PTPRM: variants seen among roughly 807,000 people sequenced by gnomAD.
The protein encoded by PTPRM is receptor-type tyrosine-protein phosphatase mu.
A neutral mutation model predicts 186.7 loss-of-function variants in PTPRM; 47 were observed. The ratio of observed to expected loss-of-function variants is 0.25; its 90% CI spans 0.20 to 0.32. The LOEUF (loss-of-function observed/expected upper bound fraction) is 0.32. Among genes scored for constraint, PTPRM ranks in the 10% least tolerant of loss-of-function variants. The probability of loss-of-function intolerance (pLI) is 1.00; values close to 1 mark genes in which losing one functional copy is unlikely to be tolerated. For missense variants in PTPRM, 1,494 were observed against 1,865.0 expected (o/e 0.80, Z 3.66); for synonymous variants, 668 against 674.9 (o/e 0.99, Z 0.16).
intron 19 of PTPRM, among the ~76,000 whole-genome samples, chr18:8,274,855 G>A (rs537153745): frequency 6.6e-6 from 1 of 152,174 alleles, no homozygotes; most frequent in African/African-American, 2.4e-5. Context: ...AATCAAGGAA[G>A]AACTCACTGG....
intron 2 of PTPRM, among the ~76,000 whole-genome samples, chr18:7,862,724 G>A (rs1324995549): frequency 6.6e-6 from 1 of 152,208 alleles, no homozygotes; most frequent in Non-Finnish European, 1.5e-5. Context: ...AAATGCAGTT[G>A]CTCAATAAAT....
chr18:7,674,370 C>T (rs2039287058), intron 1 of PTPRM, among the ~76,000 whole-genome samples: 1 of 152,090 alleles, frequency 6.6e-6, no homozygotes, highest in Non-Finnish European at 1.5e-5. Context: ...GATGGAAGTA[C>T]TTTGAGATAG....
At chr18:8,010,574 GT>G (rs2084465398) in intron 7 of PTPRM, among the ~76,000 whole-genome samples, 1 of 152,156 alleles carries the variant, frequency 6.6e-6, no homozygotes, top group African/African-American at 2.4e-5. Context: ...ATGTTAAAAT[GT>G]TCATATTGTG....
At chr18:8,042,779 T>A (rs1433859530) in intron 7 of PTPRM, among the ~76,000 whole-genome samples, 1 of 152,078 alleles carries the variant, frequency 6.6e-6, no homozygotes, top group Non-Finnish European at 1.5e-5. Context: ...GCTTTTTGGG[T>A]GTCTTTTTCC....
chr18:7,956,273 A>G (rs886069675), intron 7 of PTPRM, among the ~76,000 whole-genome samples: 1 of 152,188 alleles, frequency 6.6e-6, no homozygotes, highest in African/African-American at 2.4e-5. Flanking sequence ...ACATTTATCA[A>G]TGTTTCATTT....
intron 4 of PTPRM, among the ~76,000 whole-genome samples, chr18:7,909,298 TTC>T (rs982803244): frequency 2.6e-5 from 4 of 152,230 alleles, no homozygotes; most frequent in African/African-American, 9.6e-5. Flanking sequence ...GGTGTTTATC[TTC>T]TCTCCTTTGG....
At chr18:7,640,513 T>G (rs931670556) in intron 1 of PTPRM, among the ~76,000 whole-genome samples, 2 of 152,096 alleles carry the variant, frequency 1.3e-5, no homozygotes, top group Non-Finnish European at 2.9e-5. Flanking sequence ...TATATATGAC[T>G]GGGAAATCTA....
At chr18:8,303,179 T>C (rs2095179489) in intron 20 of PTPRM, among the ~76,000 whole-genome samples, 1 of 151,980 alleles carries the variant, frequency 6.6e-6, no homozygotes, top group Non-Finnish European at 1.5e-5. Context: ...GGGAGCACTC[T>C]CATGGAGAGA....
intron 2 of PTPRM, among the ~76,000 whole-genome samples, chr18:7,828,846 G>A (rs1270127509): frequency 6.6e-6 from 1 of 152,190 alleles, no homozygotes; most frequent in South Asian, 2.1e-4. Flanking sequence ...GTAAATGAGG[G>A]AATAAGTATG....
At chr18:8,304,761 AT>A (rs1435564235) in intron 20 of PTPRM, among the ~76,000 whole-genome samples, 3 of 150,016 alleles carry the variant, frequency 2.0e-5, no homozygotes, top group South Asian at 2.1e-4. Context: ...CCCTGCTAAC[AT>A]TTTTTTTATG....
At chr18:8,253,091 T>C (rs556697050) in intron 18 of PTPRM, 136 bp from the exon 19 acceptor site, 7 of 592,804 alleles carry the variant, frequency 1.2e-5, no homozygotes, top group African/African-American at 9.7e-5. Context: ...TTAACTTTTC[T>C]TTTTTGCTGA....
At chr18:7,991,882 A>G (rs368251736) in intron 7 of PTPRM, among the ~76,000 whole-genome samples, 14 of 152,312 alleles carry the variant, frequency 9.2e-5, no homozygotes, top group African/African-American at 2.9e-4. Flanking sequence ...ATCATGAGAT[A>G]CATGGATGAT....
At chr18:7,823,100 C>A (rs6506533) in intron 2 of PTPRM, among the ~76,000 whole-genome samples, 144 of 151,422 alleles carry the variant, frequency 9.5e-4, no homozygotes, top group African/African-American at 2.7e-3. Flanking sequence ...AATGTTTCTC[C>A]TATTTGTAGT....
rs148351988 is a variant in PTPRM, at chr18:8,089,431, T to C, written c.1856+580T>C. ...GATGATTTATATAGCTAAGCAATTA[T>C]AAAGTATAACTTGTATAGTGACTGA... On this transcript the variant is annotated intron_variant, in intron 11 of 32. Transcript: ENST00000580170. Among the ~76,000 whole-genome samples the C allele has an allele frequency of 6.3e-3, 964 of 152,308 alleles. 5 individuals carry two copies. Among genetic ancestry groups the C allele is most frequent in the Non-Finnish European group, 0.01 (688 of 68,006 alleles).
At chr18:7,743,512 A>ATATTAAATAAAATAT in intron 1 of PTPRM, among the ~76,000 whole-genome samples, 1 of 152,336 alleles carries the variant, frequency 6.6e-6, no homozygotes. Flanking sequence ...CAATTACATG[A>ATATTAAATAAAATAT]CAAATTTTGA....
chr18:7,822,872 C>G (rs2045274389), intron 2 of PTPRM, among the ~76,000 whole-genome samples: 1 of 152,194 alleles, frequency 6.6e-6, no homozygotes, highest in African/African-American at 2.4e-5. Context: ...TTTGCACTTC[C>G]TTTCCTGCCG....
At chr18:8,302,721 G>A (rs187425132) in intron 20 of PTPRM, among the ~76,000 whole-genome samples, 40 of 152,124 alleles carry the variant, frequency 2.6e-4, no homozygotes, top group East Asian at 1.9e-3. Flanking sequence ...TGACTCCTGC[G>A]TTTCCGACTT....
At chr18:8,331,484 A>G (rs1007961928) in intron 22 of PTPRM, among the ~76,000 whole-genome samples, 12 of 152,256 alleles carry the variant, frequency 7.9e-5, no homozygotes, top group African/African-American at 1.9e-4. Context: ...ATGAAAGCCT[A>G]CACTCTAGAG....
chr18:7,772,415 T>TTTC (rs2042357378), intron 1 of PTPRM, among the ~76,000 whole-genome samples: 1 of 128,900 alleles, frequency 7.8e-6, no homozygotes. Flanking sequence ...TTCTTTCTTT[T>TTTC]CTTTCTTTCT....
Sources: gnomAD v4.1 joint callset for allele counts (sites outside exome capture counted in the v4.1 genomes callset) on GRCh38, gnomAD v4.1.1 for gene constraint, MANE v1.5 for transcripts, NCBI Gene and HGNC (gene_info 2026-07-23, HGNC 2026-07-21) for gene names.